Variants in ULK2 observed in about 807,000 individuals in gnomAD.
ULK2 encodes the protein unc-51 like autophagy activating kinase 2, also known as serine/threonine-protein kinase ULK2.
A neutral mutation model predicts 127.5 loss-of-function variants in ULK2; 76 were observed. That is an observed-to-expected ratio of 0.60 (90% confidence interval 0.50 to 0.72). The LOEUF (loss-of-function observed/expected upper bound fraction) is 0.72, where lower values mean the gene tolerates loss of function less well. Ranked by LOEUF, ULK2 falls within the 30% of genes least tolerant of loss-of-function variation. The pLI is 0.00. For synonymous variants in ULK2, 452 were observed against 461.9 expected, an observed-to-expected ratio of 0.98 and a Z score of 0.28; for missense variants, 1,144 against 1,295.9, an observed-to-expected ratio of 0.88 and a Z score of 1.80.
intron 10 of ULK2, among the ~76,000 whole-genome samples, chr17:19,827,579 T>C (rs2041325389): frequency 6.6e-6 from 1 of 152,226 alleles, no homozygotes; most frequent in African/African-American, 2.4e-5. Context: ...ATGATTTCTC[T>C]GGTCTGACAT....
At chr17:19,795,365 A>AAC (rs1426939078) in intron 20 of ULK2, among the ~76,000 whole-genome samples, 23 of 150,294 alleles carry the variant, frequency 1.5e-4, no homozygotes, top group African/African-American at 5.7e-4. Context: ...AAAAAAAAAA[A>AAC]AAAAAAAATC....
intron 9 of ULK2, chr17:19,840,217 G>A (rs557371679): frequency 4.8e-5 from 24 of 502,502 alleles, no homozygotes; most frequent in South Asian, 2.5e-4. Context: ...GACACCCGAC[G>A]GGCGCAAGTT....
intron 3 of ULK2, chr17:19,860,983 T>C (rs762051432): frequency 6.6e-6 from 1 of 151,862 alleles, no homozygotes; most frequent in Non-Finnish European, 1.5e-5. Context: ...GAGAATCCCT[T>C]GAACTCAGGA....
At chr17:19,826,065 GT>G in intron 11 of ULK2, 73 bp downstream of exon 11, 1 of 677,756 alleles carries the variant, frequency 1.5e-6, no homozygotes, top group Non-Finnish European at 2.3e-6. Context: ...GATGAATTTT[GT>G]AGTAAAAATC....
intron 13 of ULK2, among the ~76,000 whole-genome samples, chr17:19,814,449 T>TAC (rs1567696658): frequency 1.9e-5 from 1 of 52,888 alleles, no homozygotes; most frequent in African/African-American, 7.8e-5. Context: ...TTTTTTTTTT[T>TAC]TTTTTTTTTT....
chr17:19,779,195 T>C (rs938396350), intron 25 of ULK2, among the ~76,000 whole-genome samples: 4 of 151,948 alleles, frequency 2.6e-5, no homozygotes, highest in African/African-American at 7.3e-5. Context: ...AGTAGACAAA[T>C]AGAAAATGGA....
At chr17:19,783,595 A>C (rs2086964858) in intron 22 of ULK2, 102 bp downstream of exon 22, 3 of 1,198,044 alleles carry the variant, frequency 2.5e-6, no homozygotes, top group Non-Finnish European at 3.3e-6. Context: ...GTTAAAGAGA[A>C]CATAACTTCC....
intron 26 of ULK2, 64 bp downstream of exon 26, chr17:19,777,517 A>G: frequency 6.6e-7 from 1 of 1,522,208 alleles, no homozygotes; most frequent in Non-Finnish European, 8.8e-7. Context: ...AGCTCTTTGT[A>G]CTATGCTTGT....
chr17:19,826,172 G>A lies in ULK2; in HGVS notation c.802C>T (p.His268Tyr). ...DRMDFEAFFS[H>Y]PFLEQGPVKK... ...ACTGGACCTTGCTCAAGAAAAGGAT[G>A]GCTAAAAAATGCTTCTGTAACAAGA... The change falls in exon 11 of 27, where the codon CAT becomes TAT. Residue 268 changes from histidine (H) to tyrosine (Y), a missense_variant. His to Tyr is a moderately conservative substitution (Grantham distance 83). Transcript: ENST00000395544. The A allele has an allele frequency of 6.8e-7, 1 of 1,473,376 alleles. No homozygotes were observed. The highest frequency in any genetic ancestry group is 1.5e-5 in the South Asian group (1 of 66,234). 91.3% of individuals were successfully genotyped at this position (1,473,376 alleles called of 1,614,324 possible).
chr17:19,854,676 C>A (rs1440004987), intron 3 of ULK2, among the ~76,000 whole-genome samples: 1 of 152,008 alleles, frequency 6.6e-6, no homozygotes, highest in African/African-American at 2.4e-5. Context: ...AAAAATGAAA[C>A]CCTAAGTACT....
intron 3 of ULK2, among the ~76,000 whole-genome samples, chr17:19,852,842 G>A (rs1010295552): frequency 2.8e-4 from 43 of 151,778 alleles, no homozygotes; most frequent in Admixed American, 9.9e-4. Context: ...AGTAGAGACA[G>A]GGTTTCACTG....
intron 20 of ULK2, among the ~76,000 whole-genome samples, chr17:19,788,674 A>C (rs1374815813): frequency 6.6e-6 from 1 of 152,050 alleles, no homozygotes; most frequent in East Asian, 1.9e-4. Context: ...GGGGTTCCCA[A>C]GTCTAGGCCT....
chr17:19,864,872 A>C (rs2042319850), intron 2 of ULK2, 28 bp from the exon 3 acceptor site: 11 of 1,129,326 alleles, frequency 9.7e-6, no homozygotes, highest in Admixed American at 5.6e-5. Flanking sequence ...AATGAAAAAT[A>C]TGTAAGTATT....
At chr17:19,860,524 CTTTTTT>C (rs34701817) in intron 3 of ULK2, among the ~76,000 whole-genome samples, 2 of 138,156 alleles carry the variant, frequency 1.4e-5, no homozygotes, top group Non-Finnish European at 1.6e-5. Flanking sequence ...ATTAATACCT[CTTTTTT>C]TTTTTTTTTT....
At position 19,801,475 on chromosome 17, in the gene ULK2, G is replaced by A. The variant is rs147987846; in HGVS notation, c.1441+302C>T. 1.9e-3 allele frequency among the ~76,000 whole-genome samples: 295 copies of A among 152,260 alleles called. 4 individuals are homozygous for A. The East Asian group carries it at 0.028, about 14-fold the overall frequency. On this transcript the variant is annotated intron_variant, in intron 16 of 26. Transcript: ENST00000395544. ...ATGCGCCTGTAGTTCCAGCTACTTGGGAGACTGAGGTGAAAAGATCCTTTG... is the reference window on the plus strand; with the variant it reads ...ATGCGCCTGTAGTTCCAGCTACTTGAGAGACTGAGGTGAAAAGATCCTTTG...
At chr17:19,838,775 C>A (rs1451567484) in intron 9 of ULK2, among the ~76,000 whole-genome samples, 192 bp from the exon 10 acceptor site, 1 of 152,044 alleles carries the variant, frequency 6.6e-6, no homozygotes, top group African/African-American at 2.4e-5. Context: ...CGCCTGTAAT[C>A]CCAGCACTTT....
intron 14 of ULK2, among the ~76,000 whole-genome samples, chr17:19,806,994 G>C (rs1050592353): frequency 1.3e-5 from 2 of 152,180 alleles, no homozygotes; most frequent in African/African-American, 4.8e-5. Flanking sequence ...ATCCCCAGTT[G>C]CCTCTTTGTT....
intron 13 of ULK2, among the ~76,000 whole-genome samples, chr17:19,814,559 G>T (rs554696262): frequency 6.7e-6 from 1 of 149,996 alleles, no homozygotes; most frequent in South Asian, 2.1e-4. Flanking sequence ...CTACAGGTAT[G>T]CACCACCATA....
intron 9 of ULK2, among the ~76,000 whole-genome samples, chr17:19,841,196 T>A (rs2041744799): frequency 6.6e-6 from 1 of 152,180 alleles, no homozygotes; most frequent in Admixed American, 6.6e-5. Context: ...GGGAATTCAC[T>A]TCCTACTTTA....
Sources: gnomAD v4.1 joint callset for allele counts (sites outside exome capture counted in the v4.1 genomes callset) on GRCh38, gnomAD v4.1.1 for gene constraint, MANE v1.5 for transcripts, NCBI Gene and HGNC (gene_info 2026-07-23, HGNC 2026-07-21) for gene names.